ATP11A: variants seen among roughly 807,000 people sequenced by gnomAD.
The protein encoded by ATP11A is phospholipid-transporting ATPase IH.
In ATP11A, 81 loss-of-function variants were observed where a neutral mutation model predicts 154.4. The observed-to-expected ratio is 0.52, with a 90% CI of 0.44 to 0.63. The LOEUF (loss-of-function observed/expected upper bound fraction) is 0.63. Ranked by LOEUF, ATP11A falls within the 30% of genes least tolerant of loss-of-function variation. The pLI is 0.00. For missense variants in ATP11A, 1,316 were observed against 1,474.3 expected (o/e 0.89, Z 1.76); for synonymous variants, 623 against 585.9 (o/e 1.06, Z -0.91).
At chr13:112,797,319 T>G (rs1334111591) in intron 2 of ATP11A, among the ~76,000 whole-genome samples, 1 of 132,170 alleles carries the variant, frequency 7.6e-6, no homozygotes, top group Non-Finnish European at 1.6e-5. Flanking sequence ...AAACCATATA[T>G]GCATAATGAA....
chr13:112,853,279 C>T (rs1359672859), intron 18 of ATP11A, among the ~76,000 whole-genome samples: 1 of 150,538 alleles, frequency 6.6e-6, no homozygotes. Context: ...CACATATGTA[C>T]ATACACACAC....
intron 1 of ATP11A, among the ~76,000 whole-genome samples, chr13:112,766,260 T>G (rs2077074623): frequency 6.6e-6 from 1 of 152,226 alleles, no homozygotes; most frequent in Non-Finnish European, 1.5e-5. Flanking sequence ...TTCTTTTGTT[T>G]TAGGCTTTTA....
intron 1 of ATP11A, among the ~76,000 whole-genome samples, chr13:112,782,246 G>T (rs1426071542): frequency 6.6e-6 from 1 of 152,206 alleles, no homozygotes; most frequent in Non-Finnish European, 1.5e-5. Context: ...TTGCTGGCTG[G>T]AAGCGGCCGG....
intron 14 of ATP11A, among the ~76,000 whole-genome samples, chr13:112,833,648 A>G (rs1348400119): frequency 6.6e-6 from 1 of 152,158 alleles, no homozygotes; most frequent in East Asian, 1.9e-4. Context: ...ACCTCATTAC[A>G]GCCATGTTTT....
intron 2 of ATP11A, among the ~76,000 whole-genome samples, chr13:112,793,096 T>C (rs1385490474): frequency 6.6e-6 from 1 of 152,190 alleles, no homozygotes; most frequent in Non-Finnish European, 1.5e-5. Flanking sequence ...AATGTATCCA[T>C]GAGGAAGCTG....
chr13:112,882,840 G>A lies in ATP11A; in HGVS notation c.*974G>A. ...TGGCTGTGATGAGCAGACATCCTCT[G>A]TCCCCGTGGAGGGGTCAACACCAAG... On this transcript the variant is annotated 3_prime_UTR_variant, in exon 30 of 30. Coordinates refer to ENST00000375645, the MANE Select transcript of ATP11A (RefSeq NM_015205.3). The surrounding 1 kb of genome is among the most constrained non-coding windows in gnomAD (Gnocchi z 5.1). 1 of 399,126 alleles carries A rather than the reference G, an allele frequency of 2.5e-6. No individual in the cohort carries two copies. Among genetic ancestry groups the A allele is most frequent in the South Asian group, 1.3e-4 (1 of 7,878 alleles). 24.7% of individuals were successfully genotyped at this position (399,126 alleles called of 1,614,324 possible).
rs1420071650 is a variant in ATP11A at position 112,855,900 on chromosome 13, T to C, written c.2244-11T>C. ...GATTGAGCAATCTTTCTGACTCACG[T>C]ACTCTAACAGACTTTCAGCAGATAT... On this transcript the variant is annotated splice_polypyrimidine_tract_variant and intron_variant, in intron 19 of 29. Coordinates refer to ENST00000375645, the MANE Select transcript of ATP11A (RefSeq NM_015205.3). 6.3e-7 allele frequency: 1 copy of C among 1,598,210 alleles called. No individual in the cohort carries two copies. The highest frequency in any genetic ancestry group is 1.1e-5 in the South Asian group (1 of 89,558).
intron 16 of ATP11A, 110 bp downstream of exon 16, chr13:112,836,361 ATTC>A: frequency 3.2e-6 from 2 of 618,670 alleles, no homozygotes; most frequent in South Asian, 5.4e-5. Flanking sequence ...AGAATGATTT[ATTC>A]TTTTTTTAAA....
At position 112,807,838 on chromosome 13, in the gene ATP11A, G is replaced by T. The variant is rs1471889329; in HGVS notation, c.333+1545G>T. The stretch of plus-strand genomic sequence containing the variant: ...CCCTGAGCCTCTCAAGGGGAGCAGA[G>T]AGAAGGGGCGCGGGGGTGCAGAACA... On this transcript the variant is annotated intron_variant, in intron 4 of 29. Coordinates refer to ENST00000375645, the MANE Select transcript of ATP11A (RefSeq NM_015205.3). This position sits in a 1 kb window ranked among gnomAD's most constrained non-coding sequence, Gnocchi z 4.5. Among the ~76,000 whole-genome samples the T allele has an allele frequency of 6.6e-6, 1 of 152,172 alleles. No individual in the cohort carries two copies. Among genetic ancestry groups the T allele is most frequent in the Non-Finnish European group, 1.5e-5 (1 of 68,026 alleles).
intron 1 of ATP11A, among the ~76,000 whole-genome samples, chr13:112,726,595 A>G (rs1430024849): frequency 6.6e-6 from 1 of 152,122 alleles, no homozygotes; most frequent in Non-Finnish European, 1.5e-5. Flanking sequence ...TGCTGCTGCC[A>G]TGTCCTCTCT....
rs1381532424 is a variant in ATP11A, at chr13:112,826,678, C to T, written c.1024-16C>T. On this transcript the variant is annotated splice_polypyrimidine_tract_variant and intron_variant, in intron 11 of 29. Coordinates refer to ENST00000375645, the MANE Select transcript of ATP11A (RefSeq NM_015205.3). The stretch of plus-strand genomic sequence containing the variant: ...CTCCTGGTGGAGGTGCTGACCCGCA[C>T]CTTCTGCTCTTGCAGTTCCTCAAGG... The T allele has an allele frequency of 1.9e-6, 3 of 1,613,394 alleles. No homozygotes were observed. Among genetic ancestry groups the T allele is most frequent in the Non-Finnish European group, 2.5e-6 (3 of 1,179,688 alleles).
chr13:112,829,304 C>T (rs1482042041), intron 12 of ATP11A, among the ~76,000 whole-genome samples: 3 of 152,128 alleles, frequency 2.0e-5, no homozygotes, highest in African/African-American at 7.2e-5. Context: ...AGGCCAGGAC[C>T]CCTGATGAAC....
intron 12 of ATP11A, among the ~76,000 whole-genome samples, chr13:112,827,999 A>T (rs2078976078): frequency 6.6e-6 from 1 of 152,290 alleles, no homozygotes; most frequent in Non-Finnish European, 1.5e-5. Context: ...TTGCAACAAT[A>T]GATGGTACAT....
At chr13:112,823,727 C>T (rs2078860325) in intron 9 of ATP11A, among the ~76,000 whole-genome samples, 1 of 152,244 alleles carries the variant, frequency 6.6e-6, no homozygotes, top group Non-Finnish European at 1.5e-5. Flanking sequence ...TGACTAGGAT[C>T]TCCCATTTCT....
chr13:112,778,344 A>G (rs1044389455), intron 1 of ATP11A, among the ~76,000 whole-genome samples: 1 of 152,236 alleles, frequency 6.6e-6, no homozygotes, highest in Non-Finnish European at 1.5e-5. Flanking sequence ...TCCAGCTCCC[A>G]TGCAGTTATG....
chr13:112,797,870 T>TA (rs1307351685), intron 2 of ATP11A, among the ~76,000 whole-genome samples: 1 of 152,202 alleles, frequency 6.6e-6, no homozygotes, highest in Non-Finnish European at 1.5e-5. Context: ...TTTGTGCTGT[T>TA]ACAACAGAAT....
intron 1 of ATP11A, among the ~76,000 whole-genome samples, chr13:112,705,361 A>G (rs1438610131): frequency 6.6e-6 from 1 of 152,192 alleles, no homozygotes; most frequent in Non-Finnish European, 1.5e-5. Flanking sequence ...AGGGTGTGTG[A>G]TGTCCTCAGC....
chr13:112,739,319 G>A (rs958411353), intron 1 of ATP11A, among the ~76,000 whole-genome samples: 1 of 152,188 alleles, frequency 6.6e-6, no homozygotes, highest in African/African-American at 2.4e-5. Flanking sequence ...ATTTTAATTG[G>A]TGTTTTACCA....
intron 15 of ATP11A, among the ~76,000 whole-genome samples, chr13:112,835,524 A>C (rs775667206): frequency 6.6e-6 from 1 of 152,156 alleles, no homozygotes; most frequent in African/African-American, 2.4e-5. Context: ...CCGGGTTTGC[A>C]GCCGTGGAGG....
Sources: allele counts gnomAD v4.1 joint callset (sites outside exome capture counted in the v4.1 genomes callset), GRCh38; gene constraint gnomAD v4.1.1; non-coding constraint Gnocchi (gnomAD v3.1); transcripts MANE v1.5; gene names NCBI Gene and HGNC (gene_info 2026-07-23, HGNC 2026-07-21).